Variants in PCDHGB1 observed in about 807,000 individuals in gnomAD.
The protein encoded by PCDHGB1 is protocadherin gamma-B1.
PCDHGB1 carries 34 observed loss-of-function variants against 56.6 expected under a neutral mutation model. That is an observed-to-expected ratio of 0.60 (90% CI 0.46 to 0.80). PCDHGB1 has a LOEUF of 0.80. Among genes scored for constraint, PCDHGB1 ranks in the 30% least tolerant of loss-of-function variants. The probability of loss-of-function intolerance (pLI) is 0.00; values close to 1 mark genes in which losing one functional copy is unlikely to be tolerated. For missense variants in PCDHGB1, 1,278 were observed against 1,204.6 expected, an observed-to-expected ratio of 1.06 and a Z score of -0.90; for synonymous variants, 561 against 505.9, an observed-to-expected ratio of 1.11 and a Z score of -1.46.
At position 141,371,437 on chromosome 5, in the gene PCDHGB1, C is replaced by A. The variant is rs1330238991; in HGVS notation, c.2409+18768C>A. 4 of 1,613,962 alleles carry A rather than the reference C, an allele frequency of 2.5e-6. 1 individual carries two copies. The highest frequency in any genetic ancestry group is 1.1e-5 in the South Asian group (1 of 91,078). On this transcript the variant is annotated intron_variant, in intron 1 of 3. Coordinates refer to ENST00000523390, the MANE Select transcript of PCDHGB1 (RefSeq NM_018922.3). ...GAAAATGACAATGCCCCGGAGATAACCCTGGCTTCTGAATCCCAACATATA... is the reference window on the plus strand; with the variant it reads ...GAAAATGACAATGCCCCGGAGATAAACCTGGCTTCTGAATCCCAACATATA...
intron 1 of PCDHGB1, among the ~76,000 whole-genome samples, chr5:141,464,251 C>T (rs1438610569): frequency 1.4e-5 from 2 of 141,396 alleles, no homozygotes; most frequent in Admixed American, 7.5e-5. Flanking sequence ...GGCTACAGAG[C>T]GAGACTCCGT....
chr5:141,350,116 G>A lies in PCDHGB1; in HGVS notation c.-145G>A, dbSNP rs1300662823. The A allele has an allele frequency of 8.7e-6, 5 of 573,926 alleles. No homozygotes were observed. The highest frequency in any genetic ancestry group is 1.4e-5 in the Non-Finnish European group (5 of 369,172). 35.6% of individuals were successfully genotyped at this position (573,926 alleles called of 1,614,324 possible). The stretch of plus-strand genomic sequence containing the variant: ...GGCAGGGTGCCTTCCTGCTTTGTCC[G>A]GTGCACTGAGCACAGACGCTGCTCC... On this transcript the variant is annotated 5_prime_UTR_variant, in exon 1 of 4. Transcript: ENST00000523390.
At chr5:141,376,676 G>GTTTTTTTTTTTTTTTTTTTTTT (rs67197835) in intron 1 of PCDHGB1, 1 of 275,800 alleles carries the variant, frequency 3.6e-6, no homozygotes, top group Non-Finnish European at 6.2e-6. Context: ...TGAGGGTATC[G>GTTTTTTTTTTTTTTTTTTTTTT]TTTTTTTTTT....
chr5:141,489,915 C>T lies in PCDHGB1; in HGVS notation c.2410-4892C>T, dbSNP rs971312502. On this transcript the variant is annotated intron_variant, in intron 1 of 3. Coordinates refer to ENST00000523390, the MANE Select transcript of PCDHGB1 (RefSeq NM_018922.3). This position sits in a 1 kb window ranked among gnomAD's most constrained non-coding sequence, Gnocchi z 4.5. ...GGGGGACCCCAGCCCGCTCAGGGAC[C>T]ACCCTTATCTCTGTCATCGTGCTGG... The T allele has an allele frequency of 6.2e-7, 1 of 1,614,242 alleles. No individual in the cohort carries two copies. Among genetic ancestry groups the T allele is most frequent in the Non-Finnish European group, 8.5e-7 (1 of 1,180,044 alleles).
intron 1 of PCDHGB1, chr5:141,478,721 C>A: frequency 6.5e-7 from 1 of 1,543,216 alleles, no homozygotes; most frequent in Non-Finnish European, 8.8e-7. Context: ...TGGTGGCCTG[C>A]CAGAGTGTGG....
chr5:141,389,787 G>A, intron 1 of PCDHGB1: 1 of 1,613,328 alleles, frequency 6.2e-7, no homozygotes, highest in Non-Finnish European at 8.5e-7. Flanking sequence ...CGACAGGGAC[G>A]CCGTCCGCCA....
At chr5:141,401,296 C>A (rs2094138441) in intron 1 of PCDHGB1, among the ~76,000 whole-genome samples, 1 of 152,104 alleles carries the variant, frequency 6.6e-6, no homozygotes, top group Non-Finnish European at 1.5e-5. Flanking sequence ...GAGCCGAGAT[C>A]ACTCCATTGC....
At position 141,489,505 on chromosome 5, in the gene PCDHGB1, A is replaced by G. The variant is rs1198371307; in HGVS notation, c.2410-5302A>G. On this transcript the variant is annotated intron_variant, in intron 1 of 3. Transcript: ENST00000523390. The surrounding 1 kb of genome is among the most constrained non-coding windows in gnomAD (Gnocchi z 4.5). ...GAGTGGTGCCCTGGCAGTGAATCAA[A>G]AGATTGACCGAGAAAGCCTATGTGG... The G allele has an allele frequency of 1.9e-6, 3 of 1,613,972 alleles. No homozygotes were observed. The Admixed American group carries it at 5.0e-5, about 27-fold the overall frequency.
intron 1 of PCDHGB1, chr5:141,362,509 A>G: frequency 6.2e-7 from 1 of 1,614,038 alleles, no homozygotes; most frequent in African/African-American, 1.3e-5. Flanking sequence ...ACAAAATACA[A>G]ATCATGGAGC....
At chr5:141,384,448 C>A (rs1780101973) in intron 1 of PCDHGB1, 2 of 1,614,070 alleles carry the variant, frequency 1.2e-6, no homozygotes, top group Non-Finnish European at 1.7e-6. Flanking sequence ...CCTGTACGCG[C>A]TGCAATCCTT....
chr5:141,494,903 G>A (rs760748707), intron 2 of PCDHGB1, 38 bp downstream of exon 2: 39 of 1,613,894 alleles, frequency 2.4e-5, no homozygotes, highest in Non-Finnish European at 3.1e-5. Context: ...TCTTCTCTGC[G>A]GCATTTTCTC....
chr5:141,478,352 G>T lies in PCDHGB1; in HGVS notation c.2410-16455G>T, dbSNP rs767743120. 36 of 1,613,674 alleles carry T rather than the reference G, an allele frequency of 2.2e-5. No homozygotes were observed. Among genetic ancestry groups the T allele is most frequent in the Non-Finnish European group, 3.1e-5 (36 of 1,180,016 alleles). On this transcript the variant is annotated intron_variant, in intron 1 of 3. Transcript: ENST00000523390. ...ACCAGGGCCCTCCTTGCACGCGGACGCCGTGCGGGGAGGCCTGATGTCGCC... is the reference window on the plus strand; with the variant it reads ...ACCAGGGCCCTCCTTGCACGCGGACTCCGTGCGGGGAGGCCTGATGTCGCC...
chr5:141,497,100 T>A (rs886445893), intron 2 of PCDHGB1, among the ~76,000 whole-genome samples: 2 of 151,774 alleles, frequency 1.3e-5, no homozygotes, highest in Non-Finnish European at 2.9e-5. Context: ...GAGGCAGAAC[T>A]GCTTGAACCC....
chr5:141,399,955 C>G, intron 1 of PCDHGB1: 1 of 1,612,146 alleles, frequency 6.2e-7, no homozygotes. Flanking sequence ...GGCTAGCGAG[C>G]CCGGGCTCTT....
chr5:141,398,938 G>T (rs201463346), intron 1 of PCDHGB1: 467 of 1,613,840 alleles, frequency 2.9e-4, no homozygotes, highest in Non-Finnish European at 3.7e-4. Context: ...TGACCAAGAC[G>T]AGGGCATCAA....
At chr5:141,390,560 T>C (rs531396970) in intron 1 of PCDHGB1, 1 of 443,156 alleles carries the variant, frequency 2.3e-6, no homozygotes, top group East Asian at 4.1e-5. Context: ...GTTAGACAGT[T>C]GTTGGCTCTC....
At position 141,485,443 on chromosome 5, in the gene PCDHGB1, C is replaced by A. The variant is rs2099613637; in HGVS notation, c.2410-9364C>A. 5 of 1,614,054 alleles carry A rather than the reference C, an allele frequency of 3.1e-6. No individual in the cohort carries two copies. The East Asian group carries it at 6.7e-5, about 22-fold the overall frequency. ...GAGCCCTGCTCATCAAGAACCCAAT[C>A]GACCGAGAGGCACTGTGTGGGCTCA... On this transcript the variant is annotated intron_variant, in intron 1 of 3. Coordinates refer to ENST00000523390, the MANE Select transcript of PCDHGB1 (RefSeq NM_018922.3). This position sits in a 1 kb window ranked among gnomAD's most constrained non-coding sequence, Gnocchi z 5.7.
At chr5:141,356,306 T>A (rs754194217) in intron 1 of PCDHGB1, 1 of 1,554,168 alleles carries the variant, frequency 6.4e-7, no homozygotes, top group Non-Finnish European at 8.7e-7. Flanking sequence ...ATTGCACTTT[T>A]CAACGTGCAT....
chr5:141,361,678 T>G lies in PCDHGB1; in HGVS notation c.2409+9009T>G, dbSNP rs192424877. The G allele has an allele frequency of 1.4e-4, 224 of 1,613,592 alleles. 3 individuals carry two copies. The South Asian group carries it at 2.0e-3, about 15-fold the overall frequency. ...CGTGAGCGCGCAGAGCGGGGTGGTG[T>G]TCGCGCAGCGCGCCTTCGATCATGA... On this transcript the variant is annotated intron_variant, in intron 1 of 3. Transcript: ENST00000523390.
Sources: gnomAD v4.1 joint callset for allele counts (sites outside exome capture counted in the v4.1 genomes callset) on GRCh38, gnomAD v4.1.1 for gene constraint, Gnocchi (gnomAD v3.1) non-coding constraint, MANE v1.5 for transcripts, NCBI Gene and HGNC (gene_info 2026-07-23, HGNC 2026-07-21) for gene names.